NKAIN2: variants seen among roughly 807,000 people sequenced by gnomAD.
NKAIN2 encodes sodium/potassium transporting ATPase interacting 2.
NKAIN2 carries 14 observed loss-of-function variants against 32.6 expected under a neutral mutation model. That is an observed-to-expected ratio of 0.43 (90% CI 0.28 to 0.67). NKAIN2 has a LOEUF of 0.67. Among genes scored for constraint, NKAIN2 ranks in the 30% least tolerant of loss-of-function variants. The pLI, the probability that NKAIN2 is intolerant of heterozygous loss-of-function variation, is 0.17. For synonymous variants in NKAIN2, 80 were observed against 87.2 expected (o/e 0.92, Z 0.46); for missense variants, 198 against 258.3 (o/e 0.77, Z 1.60).
At chr6:124,377,358 G>T (rs1203453406) in intron 3 of NKAIN2, among the ~76,000 whole-genome samples, 1 of 152,256 alleles carries the variant, frequency 6.6e-6, no homozygotes, top group East Asian at 1.9e-4. Context: ...CCAGACCCAG[G>T]TTTCCTAGTC....
At chr6:123,877,908 CGTTA>C (rs1249825332) in intron 1 of NKAIN2, among the ~76,000 whole-genome samples, 1 of 152,010 alleles carries the variant, frequency 6.6e-6, no homozygotes, top group Non-Finnish European at 1.5e-5. Context: ...TGTTCAATTT[CGTTA>C]GTTAATTTTA....
chr6:124,759,637 A>G (rs1778151141), intron 4 of NKAIN2, among the ~76,000 whole-genome samples: 3 of 104,878 alleles, frequency 2.9e-5, no homozygotes, highest in Non-Finnish European at 6.5e-5. Context: ...ACACACACAC[A>G]CACACACACA....
intron 4 of NKAIN2, among the ~76,000 whole-genome samples, chr6:124,786,687 TAA>T (rs527787994): frequency 6.7e-6 from 1 of 149,626 alleles, no homozygotes; most frequent in African/African-American, 2.5e-5. Context: ...AAAAGATAAA[TAA>T]AAAAAAAATT....
At chr6:124,468,661 G>C (rs1458053356) in intron 3 of NKAIN2, among the ~76,000 whole-genome samples, 19 of 152,142 alleles carry the variant, frequency 1.2e-4, no homozygotes. Context: ...AAATATAATG[G>C]CTCTATTAAT....
Position 123,972,230 on chromosome 6 carries a change from TTA to T in NKAIN2, c.54+167978_54+167979del, listed in dbSNP as rs544667202. Among the ~76,000 whole-genome samples the T allele has an allele frequency of 6.6e-3, 1,001 of 152,288 alleles. 3 individuals carry two copies. The highest frequency in any genetic ancestry group is 0.017 in the Middle Eastern group (5 of 294). ...AGTATGACTTCCTGTCAACAGTAGG[TTA>T]TTAGTAGTTAAGTTTTTGGAAAGCC... On this transcript the variant is annotated intron_variant, in intron 1 of 6. Transcript: ENST00000368417.
chr6:123,960,483 G>A (rs1267996), intron 1 of NKAIN2, among the ~76,000 whole-genome samples: 39,374 of 151,960 alleles, frequency 0.26, 5,582 homozygotes, highest in South Asian at 0.4. Context: ...CTGTCAGCTG[G>A]ATCTCTCAAG....
At chr6:124,474,372 C>A (rs2114680907) in intron 3 of NKAIN2, among the ~76,000 whole-genome samples, 1 of 152,168 alleles carries the variant, frequency 6.6e-6, no homozygotes, top group South Asian at 2.1e-4. Flanking sequence ...GAGTTTGCTT[C>A]TGTTGGGATT....
intron 1 of NKAIN2, among the ~76,000 whole-genome samples, chr6:123,863,419 CT>C (rs1398441316): frequency 1.3e-5 from 2 of 152,178 alleles, no homozygotes; most frequent in African/African-American, 4.8e-5. Context: ...ACCACCTTAT[CT>C]TTTATACACA....
intron 1 of NKAIN2, among the ~76,000 whole-genome samples, chr6:123,884,091 C>G (rs1773599895): frequency 6.6e-6 from 1 of 151,844 alleles, no homozygotes; most frequent in African/African-American, 2.4e-5. Context: ...AGGTGTTTTT[C>G]CTGATCCTCT....
chr6:124,526,040 G>C (rs1232597606), intron 3 of NKAIN2, among the ~76,000 whole-genome samples: 1 of 152,134 alleles, frequency 6.6e-6, no homozygotes, highest in South Asian at 2.1e-4. Flanking sequence ...TTACCTGAGA[G>C]GTAAATTTCA....
chr6:124,171,288 ATCTT>A (rs1275612153), intron 1 of NKAIN2, among the ~76,000 whole-genome samples: 3 of 151,988 alleles, frequency 2.0e-5, no homozygotes, highest in African/African-American at 7.3e-5. Context: ...TCTCTAGCAT[ATCTT>A]TCTAATTTTA....
intron 1 of NKAIN2, among the ~76,000 whole-genome samples, chr6:123,920,818 A>G (rs1775717413): frequency 6.6e-6 from 1 of 152,210 alleles, no homozygotes; most frequent in African/African-American, 2.4e-5. Flanking sequence ...CTGCATCATT[A>G]CTCAAAGAAT....
At chr6:123,969,226 G>A (rs1778226579) in intron 1 of NKAIN2, among the ~76,000 whole-genome samples, 2 of 152,144 alleles carry the variant, frequency 1.3e-5, no homozygotes, top group South Asian at 2.1e-4. Context: ...AAAATGGCAA[G>A]CGCCTTAGGT....
chr6:124,126,025 A>G (rs163293), intron 1 of NKAIN2, among the ~76,000 whole-genome samples: 94,363 of 151,876 alleles, frequency 0.62, 29,475 homozygotes, highest in East Asian at 0.74. Flanking sequence ...ACATTGTGGT[A>G]GATTATCTTT....
chr6:123,961,625 T>A, intron 1 of NKAIN2, among the ~76,000 whole-genome samples: 1 of 152,204 alleles, frequency 6.6e-6, no homozygotes, highest in East Asian at 1.9e-4. Context: ...TGGCTAAGGT[T>A]GTATTGGAGA....
intron 1 of NKAIN2, among the ~76,000 whole-genome samples, chr6:123,996,090 CAAAG>C (rs1457722996): frequency 3.9e-5 from 6 of 151,994 alleles, no homozygotes; most frequent in African/African-American, 1.4e-4. Flanking sequence ...ACATTTAACA[CAAAG>C]GAAGGGTATT....
chr6:124,232,928 A>G (rs1792535486), intron 1 of NKAIN2, among the ~76,000 whole-genome samples: 4 of 152,174 alleles, frequency 2.6e-5, no homozygotes, highest in Non-Finnish European at 1.5e-5. Flanking sequence ...GTTATTCGGT[A>G]AAAACAAGGT....
intron 4 of NKAIN2, among the ~76,000 whole-genome samples, chr6:124,676,158 C>G: frequency 6.6e-6 from 1 of 152,010 alleles, no homozygotes; most frequent in East Asian, 1.9e-4. Flanking sequence ...CTGTTGATTT[C>G]TAGCTTCATT....
intron 1 of NKAIN2, among the ~76,000 whole-genome samples, chr6:123,857,186 G>A (rs1303416111): frequency 6.6e-6 from 1 of 151,984 alleles, no homozygotes; most frequent in African/African-American, 2.4e-5. Flanking sequence ...GGAACCCCTG[G>A]AGTTCATCAT....
Sources: gnomAD v4.1 joint callset for allele counts (sites outside exome capture counted in the v4.1 genomes callset) on GRCh38, gnomAD v4.1.1 for gene constraint, MANE v1.5 for transcripts, NCBI Gene and HGNC (gene_info 2026-07-23, HGNC 2026-07-21) for gene names.